Variants in SLC44A5 observed in about 807,000 individuals in gnomAD.
SLC44A5 encodes choline transporter-like protein 5.
A neutral mutation model predicts 101.8 loss-of-function variants in SLC44A5; 57 were observed. That is an observed-to-expected ratio of 0.56 (90% CI 0.45 to 0.70). The LOEUF is 0.70. SLC44A5 is among the 30% of genes least tolerant of loss of function. SLC44A5 has a pLI of 0.00. For missense variants in SLC44A5, 737 were observed against 853.1 expected (o/e 0.86, Z 1.70); for synonymous variants, 281 against 290.9 (o/e 0.97, Z 0.35).
At position 75,501,346 on chromosome 1, in the gene SLC44A5, C is replaced by T. The variant is rs143611110; in HGVS notation, c.13+40089G>A. On this transcript the variant is annotated intron_variant, in intron 2 of 23. Transcript: ENST00000370859. ...CCTCCTCAATCTCACTCTCCTTTGC[C>T]AAGTGCTGAAAGCCTAAAAGACAGT... is the stretch of plus-strand genomic sequence containing the variant. 1.1e-3 allele frequency among the ~76,000 whole-genome samples: 164 copies of T among 152,236 alleles called. 1 individual carries two copies. Among genetic ancestry groups the T allele is most frequent in the African/African-American group, 3.6e-3 (150 of 41,548 alleles).
At chr1:75,539,528 T>C (rs780850755) in intron 2 of SLC44A5, among the ~76,000 whole-genome samples, 2 of 152,232 alleles carry the variant, frequency 1.3e-5, no homozygotes, top group Admixed American at 6.5e-5. Context: ...CGTTATTTTC[T>C]ATGCCTTTTA....
At chr1:75,503,321 T>C (rs1374082323) in intron 2 of SLC44A5, among the ~76,000 whole-genome samples, 1 of 152,120 alleles carries the variant, frequency 6.6e-6, no homozygotes, top group Non-Finnish European at 1.5e-5. Context: ...AACCATATGT[T>C]ACGGTGGGAG....
chr1:75,642,042 T>C, the SLC44A5 span: 1 of 1,391,752 alleles, frequency 7.2e-7, no homozygotes, highest in Non-Finnish European at 1.0e-6. Flanking sequence ...CCAGGATTTA[T>C]TTCTGTGTCT....
the SLC44A5 span, among the ~76,000 whole-genome samples, chr1:75,672,444 A>G: frequency 6.6e-6 from 1 of 152,130 alleles, no homozygotes; most frequent in Non-Finnish European, 1.5e-5. Flanking sequence ...CCCAACAGCA[A>G]GAACCTGAGA....
At chr1:75,340,705 G>A (rs1026911680) in intron 3 of SLC44A5, among the ~76,000 whole-genome samples, 1 of 152,160 alleles carries the variant, frequency 6.6e-6, no homozygotes, top group African/African-American at 2.4e-5. Context: ...TGGCCAACTG[G>A]ATCTGGTTCA....
At chr1:75,242,531 CT>C (rs1474888308) in intron 8 of SLC44A5, among the ~76,000 whole-genome samples, 1 of 151,996 alleles carries the variant, frequency 6.6e-6, no homozygotes, top group East Asian at 1.9e-4. Flanking sequence ...CTACTTGTTA[CT>C]AAGTTGCTAT....
At chr1:75,566,291 G>C (rs1179467187) in intron 1 of SLC44A5, among the ~76,000 whole-genome samples, 3 of 152,082 alleles carry the variant, frequency 2.0e-5, no homozygotes, top group African/African-American at 7.2e-5. Flanking sequence ...AATTCTATGA[G>C]ATTTAGAAAT....
intron 6 of SLC44A5, among the ~76,000 whole-genome samples, chr1:75,256,489 G>T (rs574243900): frequency 6.6e-6 from 1 of 152,244 alleles, no homozygotes; most frequent in East Asian, 1.9e-4. Context: ...TCAAGGACAT[G>T]GTACAAATAA....
chr1:75,582,694 C>T (rs138646639), intron 1 of SLC44A5: 105 of 172,350 alleles, frequency 6.1e-4, no homozygotes, highest in Non-Finnish European at 1.1e-3. Context: ...CCCCTACCCC[C>T]ACAAAAAAGT....
intron 8 of SLC44A5, among the ~76,000 whole-genome samples, chr1:75,242,522 T>C (rs999853296): frequency 7.9e-5 from 12 of 152,100 alleles, no homozygotes; most frequent in African/African-American, 2.7e-4. Flanking sequence ...AATAAAATTC[T>C]ACTTGTTACT....
chr1:75,702,804 A>C, the SLC44A5 span, among the ~76,000 whole-genome samples: 1 of 152,130 alleles, frequency 6.6e-6, no homozygotes, highest in Non-Finnish European at 1.5e-5. Flanking sequence ...AACTCCAACA[A>C]ATTTACGAGA....
chr1:75,284,557 T>C (rs776850678), intron 5 of SLC44A5, among the ~76,000 whole-genome samples: 4 of 152,078 alleles, frequency 2.6e-5, no homozygotes, highest in African/African-American at 7.2e-5. Flanking sequence ...TGAATAGAAG[T>C]GTTGAAAGCA....
At chr1:75,287,820 G>A (rs1381168829) in intron 5 of SLC44A5, among the ~76,000 whole-genome samples, 9 of 152,154 alleles carry the variant, frequency 5.9e-5, no homozygotes, top group East Asian at 1.9e-4. Flanking sequence ...TGTCTCAGCC[G>A]TGAATACCAG....
At chr1:75,546,120 C>T (rs965161384) in intron 1 of SLC44A5, among the ~76,000 whole-genome samples, 1 of 152,078 alleles carries the variant, frequency 6.6e-6, no homozygotes, top group Non-Finnish European at 1.5e-5. Flanking sequence ...AGGTGCCCAG[C>T]CCATTCTTTT....
intron 5 of SLC44A5, among the ~76,000 whole-genome samples, chr1:75,283,689 A>C (rs1652805943): frequency 6.6e-6 from 1 of 152,080 alleles, no homozygotes; most frequent in African/African-American, 2.4e-5. Context: ...TGAGAGATGA[A>C]GATCCAGTTT....
the SLC44A5 span, among the ~76,000 whole-genome samples, chr1:75,651,387 T>C: frequency 5.9e-5 from 9 of 152,158 alleles, no homozygotes; most frequent in Admixed American, 3.3e-4. Flanking sequence ...TTGTTCTAGG[T>C]CTACTTCTCA....
At chr1:75,416,264 A>G (rs1663637013) in intron 2 of SLC44A5, among the ~76,000 whole-genome samples, 1 of 152,120 alleles carries the variant, frequency 6.6e-6, no homozygotes, top group Admixed American at 6.5e-5. Flanking sequence ...CATGGCTGAA[A>G]GGGGCCAATG....
the SLC44A5 span, among the ~76,000 whole-genome samples, chr1:75,660,632 G>A: frequency 9.9e-5 from 15 of 152,160 alleles, no homozygotes; most frequent in African/African-American, 3.6e-4. Context: ...TAAAGTTGCA[G>A]GATATAAAAA....
At chr1:75,239,005 G>T (rs1345401661) in intron 9 of SLC44A5, among the ~76,000 whole-genome samples, 1 of 152,066 alleles carries the variant, frequency 6.6e-6, no homozygotes, top group Non-Finnish European at 1.5e-5. Flanking sequence ...GATGAGTTTA[G>T]TTTTACTATT....
Sources: gnomAD v4.1 joint callset for allele counts (sites outside exome capture counted in the v4.1 genomes callset) on GRCh38, gnomAD v4.1.1 for gene constraint, MANE v1.5 for transcripts, NCBI Gene and HGNC (gene_info 2026-07-23, HGNC 2026-07-21) for gene names.